CRPPA: variants seen among roughly 807,000 people sequenced by gnomAD.
The protein encoded by CRPPA is D-ribitol-5-phosphate cytidylyltransferase.
Under a neutral mutation model 52.0 loss-of-function variants are expected in CRPPA, and 43 were observed. The ratio of observed to expected loss-of-function variants is 0.83; its 90% CI spans 0.65 to 1.07. The LOEUF (loss-of-function observed/expected upper bound fraction) is 1.07, where lower values mean the gene tolerates loss of function less well. CRPPA is among the 50% of genes least tolerant of loss of function. CRPPA has a pLI of 0.00. For missense variants in CRPPA, 629 were observed against 551.7 expected (o/e 1.14, Z -1.40); for synonymous variants, 250 against 203.5 (o/e 1.23, Z -1.94).
intron 8 of CRPPA, among the ~76,000 whole-genome samples, chr7:16,258,150 G>T (rs1048877355): frequency 6.6e-6 from 1 of 151,988 alleles, no homozygotes; most frequent in Admixed American, 6.6e-5. Flanking sequence ...AAAAAAATAT[G>T]AAATTGGTTG....
At chr7:16,140,677 G>A (rs552442767) in intron 9 of CRPPA, among the ~76,000 whole-genome samples, 19 of 152,234 alleles carry the variant, frequency 1.2e-4, no homozygotes, top group Non-Finnish European at 2.2e-4. Flanking sequence ...ATTCACAGGA[G>A]ACTTTCATCA....
In CRPPA at chr7:16,330,052, T is replaced by C. The variant is rs147606358; in HGVS notation, c.685-21425A>G. Among the ~76,000 whole-genome samples, 4 of 152,314 alleles carry C rather than the reference T, an allele frequency of 2.6e-5. No individual in the cohort carries two copies. In the East Asian group the frequency reaches 7.7e-4, roughly 29 times the overall value. On this transcript the variant is annotated intron_variant, in intron 3 of 9. Coordinates refer to ENST00000407010, the MANE Select transcript of CRPPA (RefSeq NM_001101426.4). ...TCCTTCTAGCTTGCTTTCTTGTAAG[T>C]GATAAATTCTCTGGAACTAACTTTG...
intron 5 of CRPPA, among the ~76,000 whole-genome samples, chr7:16,299,516 A>G (rs1445482136): frequency 3.9e-5 from 6 of 152,178 alleles, no homozygotes; most frequent in Non-Finnish European, 7.4e-5. Flanking sequence ...GGTAATCACA[A>G]TGCTGCTGGT....
intron 9 of CRPPA, among the ~76,000 whole-genome samples, chr7:16,146,803 A>G (rs1008666305): frequency 2.6e-5 from 4 of 152,200 alleles, no homozygotes; most frequent in Non-Finnish European, 4.4e-5. Flanking sequence ...GCATACCACT[A>G]TAAAAACTCA....
Position 16,218,705 on chromosome 7 carries a change from A to G in CRPPA, c.1120-2508T>C, listed in dbSNP as rs530595803. On this transcript the variant is annotated intron_variant, in intron 8 of 9. Coordinates refer to ENST00000407010, the MANE Select transcript of CRPPA (RefSeq NM_001101426.4). ...CAAAAGAGACAAAGAAGGCCATTAC[A>G]TAATGGTAAAGGGATCAATTCAACA... is the stretch of plus-strand genomic sequence containing the variant. Among the ~76,000 whole-genome samples the G allele has an allele frequency of 2.6e-5, 3 of 116,648 alleles. No homozygotes were observed. In the South Asian group the frequency reaches 1.0e-3, roughly 41 times the overall value. The allele number at this position is 116,648 out of a possible 152,430, so 76.5% of individuals were successfully genotyped here.
In CRPPA at chr7:16,234,179, C is replaced by T. The variant is rs551855837; in HGVS notation, c.1120-17982G>A. Among the ~76,000 whole-genome samples the T allele has an allele frequency of 7.2e-5, 11 of 152,126 alleles. No individual in the cohort carries two copies. The East Asian group carries it at 9.7e-4, about 13-fold the overall frequency. ...ATTTTTGGTTTACTTAATATAGTAG[C>T]GATCCATTTAAAATTTATTCTGGGT... is the stretch of plus-strand genomic sequence containing the variant. On this transcript the variant is annotated intron_variant, in intron 8 of 9. Transcript: ENST00000407010.
chr7:16,358,330 G>A (rs1022430857), intron 3 of CRPPA, among the ~76,000 whole-genome samples: 17 of 152,182 alleles, frequency 1.1e-4, no homozygotes, highest in African/African-American at 3.6e-4. Flanking sequence ...CAAGGGAGAT[G>A]TTTACAGGGT....
At chr7:16,288,050 C>T (rs1465033103) in intron 5 of CRPPA, among the ~76,000 whole-genome samples, 2 of 152,014 alleles carry the variant, frequency 1.3e-5, no homozygotes, top group South Asian at 2.1e-4. Context: ...AGGAGAGAGG[C>T]TTTAGAAGAA....
At chr7:16,174,770 T>A (rs1781260361) in intron 9 of CRPPA, among the ~76,000 whole-genome samples, 1 of 152,192 alleles carries the variant, frequency 6.6e-6, no homozygotes, top group Non-Finnish European at 1.5e-5. Flanking sequence ...GGATTCTGAA[T>A]TATTTAGAAG....
rs886062144 is a variant in CRPPA, at chr7:16,088,412, C to CTCT, written c.*3282_*3283insAGA. On this transcript the variant is annotated 3_prime_UTR_variant, in exon 10 of 10. Transcript: ENST00000407010. ...ACTGTAAAGTTACCTCTGGATCTCT[C>CTCT]TTTTTTTTTTTTTTTTTTTTTTTGA... is the stretch of plus-strand genomic sequence containing the variant. 6 of 113,142 alleles carry CTCT rather than the reference C, an allele frequency of 5.3e-5. No individual in the cohort carries two copies. The highest frequency in any genetic ancestry group is 1.8e-4 in the African/African-American group (5 of 27,610). 7.0% of individuals were successfully genotyped at this position (113,142 alleles called of 1,614,324 possible).
In CRPPA at chr7:16,421,386, C is replaced by T; in HGVS notation, c.-64G>A. 8.2e-7 allele frequency: 1 copy of T among 1,213,104 alleles called. No individual in the cohort carries two copies. Among genetic ancestry groups the T allele is most frequent in the Non-Finnish European group, 1.0e-6 (1 of 975,740 alleles). 75.1% of individuals were successfully genotyped at this position (1,213,104 alleles called of 1,614,324 possible). ...CGATGCGACCCCGCGCTGCTCCCAC[C>T]CTCGGCCGGGGTCGCGGGGCGAAGG... On this transcript the variant is annotated 5_prime_UTR_variant, in exon 1 of 10. Transcript: ENST00000407010.
At chr7:16,404,734 T>G (rs1787910832) in intron 2 of CRPPA, among the ~76,000 whole-genome samples, 1 of 152,216 alleles carries the variant, frequency 6.6e-6, no homozygotes, top group South Asian at 2.1e-4. Context: ...AATTCTTAAG[T>G]TGTAAATCCT....
intron 5 of CRPPA, among the ~76,000 whole-genome samples, chr7:16,285,528 CT>C (rs139995246): frequency 3.3e-5 from 5 of 151,852 alleles, no homozygotes; most frequent in South Asian, 2.1e-4. Context: ...ATGAATAACT[CT>C]TTTTTTTGTC....
In CRPPA at chr7:16,398,942, T is replaced by G. The variant is rs1006487863; in HGVS notation, c.534+7119A>C. Among the ~76,000 whole-genome samples the G allele has an allele frequency of 2.6e-5, 4 of 152,312 alleles. No individual in the cohort carries two copies. In the East Asian group the frequency reaches 7.7e-4, roughly 29 times the overall value. ...TGATCGAGTCGTTACTGACACGTGA[T>G]CATCACGTAATCAACACGTGACACC... On this transcript the variant is annotated intron_variant, in intron 2 of 9. Transcript: ENST00000407010.
At chr7:16,189,600 C>T (rs1225502182) in intron 9 of CRPPA, among the ~76,000 whole-genome samples, 3 of 152,148 alleles carry the variant, frequency 2.0e-5, no homozygotes, top group Non-Finnish European at 4.4e-5. Flanking sequence ...TGCCAAGTAC[C>T]ACACAGGTTA....
chr7:16,195,990 T>C (rs17169331), intron 9 of CRPPA, among the ~76,000 whole-genome samples: 9,637 of 152,236 alleles, frequency 0.063, 396 homozygotes, highest in East Asian at 0.14. Context: ...TGGAGATTAA[T>C]AGAAACAAGT....
chr7:16,397,886 CG>C (rs1291362615), intron 2 of CRPPA, among the ~76,000 whole-genome samples: 3 of 152,184 alleles, frequency 2.0e-5, no homozygotes, highest in African/African-American at 7.2e-5. Context: ...ACGTGACCAA[CG>C]TGTGACCAAA....
rs1184726220 is a variant in CRPPA at position 16,307,700 on chromosome 7, A to G, written c.789+823T>C. On this transcript the variant is annotated intron_variant, in intron 4 of 9. Transcript: ENST00000407010. ...AAAAAAAAAAAAAAAAAAAAAAAAAAGAAGCAAGTTAGCCATTAAAAGAAC... is the reference window on the plus strand; with the variant it reads ...AAAAAAAAAAAAAAAAAAAAAAAAAGGAAGCAAGTTAGCCATTAAAAGAAC... Among the ~76,000 whole-genome samples, 8 of 136,586 alleles carry G rather than the reference A, an allele frequency of 5.9e-5. 1 individual carries two copies. In the East Asian group the frequency reaches 8.6e-4, roughly 15 times the overall value. 89.6% of individuals were successfully genotyped at this position (136,586 alleles called of 152,430 possible). A position where few individuals can be genotyped will look rare whatever the true frequency, so the allele number is the denominator to read the frequency against.
At chr7:16,136,608 A>C (rs149087011) in intron 9 of CRPPA, among the ~76,000 whole-genome samples, 65 of 151,098 alleles carry the variant, frequency 4.3e-4, no homozygotes, top group African/African-American at 1.5e-3. Flanking sequence ...ATTGCTAAAT[A>C]TCACACATTC....
Sources: allele counts gnomAD v4.1 joint callset (sites outside exome capture counted in the v4.1 genomes callset), GRCh38; gene constraint gnomAD v4.1.1; transcripts MANE v1.5; gene names NCBI Gene and HGNC (gene_info 2026-07-23, HGNC 2026-07-21).